Variants in DGKB observed in about 807,000 individuals in gnomAD.
DGKB encodes diacylglycerol kinase beta.
A neutral mutation model predicts 114.3 loss-of-function variants in DGKB; 67 were observed. That is an observed-to-expected ratio of 0.59 (90% CI 0.48 to 0.72). The LOEUF (loss-of-function observed/expected upper bound fraction) is 0.72, where lower values mean the gene tolerates loss of function less well. Among genes scored for constraint, DGKB ranks in the 30% least tolerant of loss-of-function variants. The pLI is 0.00. For missense variants in DGKB, 907 were observed against 975.2 expected, an observed-to-expected ratio of 0.93 and a Z score of 0.93; for synonymous variants, 398 against 323.1, an observed-to-expected ratio of 1.23 and a Z score of -2.49.
chr7:14,833,627 G>A (rs1228966886), intron 2 of DGKB, among the ~76,000 whole-genome samples: 1 of 151,970 alleles, frequency 6.6e-6, no homozygotes, highest in Admixed American at 6.6e-5. Context: ...CCCACTTTTT[G>A]TGACTATTGC....
chr7:14,503,639 T>C (rs1381031489), intron 20 of DGKB, among the ~76,000 whole-genome samples: 1 of 152,194 alleles, frequency 6.6e-6, no homozygotes, highest in African/African-American at 2.4e-5. Context: ...CCGAGATTTA[T>C]TCTATGGGTC....
intron 12 of DGKB, among the ~76,000 whole-genome samples, chr7:14,674,002 T>C (rs1291422662): frequency 1.3e-5 from 2 of 151,774 alleles, no homozygotes; most frequent in Non-Finnish European, 2.9e-5. Context: ...ACAACATACA[T>C]ACCTTTGTGA....
chr7:14,388,215 A>G (rs1181687470), intron 21 of DGKB, among the ~76,000 whole-genome samples: 1 of 151,514 alleles, frequency 6.6e-6, no homozygotes, highest in Admixed American at 6.6e-5. Context: ...TTTGGAAAAA[A>G]AAAAAAATCT....
intron 21 of DGKB, among the ~76,000 whole-genome samples, chr7:14,362,423 C>T (rs1482332099): frequency 6.6e-6 from 1 of 152,068 alleles, no homozygotes; most frequent in African/African-American, 2.4e-5. Context: ...TATTTTTGCT[C>T]ATTAATTCAT....
At chr7:14,451,966 C>A (rs754531910) in intron 21 of DGKB, among the ~76,000 whole-genome samples, 4 of 152,058 alleles carry the variant, frequency 2.6e-5, no homozygotes, top group African/African-American at 4.8e-5. Flanking sequence ...GTTGTTATTG[C>A]TAACATATTC....
intron 23 of DGKB, among the ~76,000 whole-genome samples, chr7:14,240,138 T>C (rs1793428912): frequency 6.6e-6 from 1 of 152,062 alleles, no homozygotes; most frequent in Non-Finnish European, 1.5e-5. Flanking sequence ...ATTACCAATA[T>C]ATATATGCCC....
chr7:14,519,033 T>C (rs1244013796), intron 20 of DGKB, among the ~76,000 whole-genome samples: 5 of 152,104 alleles, frequency 3.3e-5, no homozygotes, highest in Non-Finnish European at 7.4e-5. Context: ...CACGGAGTTT[T>C]TTCATTTAAA....
intron 13 of DGKB, among the ~76,000 whole-genome samples, chr7:14,631,724 T>G (rs1245874393): frequency 6.6e-6 from 1 of 152,076 alleles, no homozygotes; most frequent in Non-Finnish European, 1.5e-5. Flanking sequence ...AGTTTCTCTC[T>G]GGGTCAGTTC....
At chr7:14,268,069 C>T (rs1797761794) in intron 23 of DGKB, among the ~76,000 whole-genome samples, 1 of 152,114 alleles carries the variant, frequency 6.6e-6, no homozygotes, top group South Asian at 2.1e-4. Flanking sequence ...TATCCAGTTT[C>T]TATATTCGTT....
At chr7:14,502,875 T>C (rs1444354799) in intron 20 of DGKB, among the ~76,000 whole-genome samples, 1 of 152,098 alleles carries the variant, frequency 6.6e-6, no homozygotes, top group Non-Finnish European at 1.5e-5. Context: ...ATTCTGGCTT[T>C]CAACATTCCT....
chr7:14,226,923 A>G lies in DGKB; in HGVS notation c.2123-48772T>C, dbSNP rs140185717. Among the ~76,000 whole-genome samples, 951 of 152,114 alleles carry G rather than the reference A, an allele frequency of 6.3e-3. 12 individuals are homozygous for G. The highest frequency in any genetic ancestry group is 0.022 in the African/African-American group (917 of 41,514). On this transcript the variant is annotated intron_variant, in intron 23 of 25. Transcript: ENST00000402815. ...AAAAAAGAATCTCATTTATCTATTT[A>G]ATGGGGGTCTCACTGTGTTGCCCAG...
intron 1 of DGKB, among the ~76,000 whole-genome samples, chr7:14,860,521 G>C (rs192119563): frequency 6.6e-6 from 1 of 151,866 alleles, no homozygotes; most frequent in Admixed American, 6.6e-5. Flanking sequence ...TTTAAAAATG[G>C]TATTTTACTG....
At chr7:14,721,506 T>C (rs1313708993) in intron 5 of DGKB, among the ~76,000 whole-genome samples, 1 of 152,184 alleles carries the variant, frequency 6.6e-6, no homozygotes, top group Non-Finnish European at 1.5e-5. Context: ...CTGTATCATG[T>C]ATTTATCACA....
intron 21 of DGKB, among the ~76,000 whole-genome samples, chr7:14,384,543 A>G (rs909795905): frequency 1.3e-5 from 2 of 152,222 alleles, no homozygotes; most frequent in African/African-American, 2.4e-5. Flanking sequence ...AATACATGAC[A>G]CAATGAATTT....
intron 13 of DGKB, among the ~76,000 whole-genome samples, chr7:14,665,985 T>C (rs1031748208): frequency 6.6e-6 from 1 of 151,974 alleles, no homozygotes; most frequent in Non-Finnish European, 1.5e-5. Flanking sequence ...ACTTAAGCCA[T>C]TGCAGAGAAA....
chr7:14,904,002 T>C (rs1272561102), upstream of DGKB, among the ~76,000 whole-genome samples: 1 of 152,210 alleles, frequency 6.6e-6, no homozygotes, highest in Non-Finnish European at 1.5e-5. Flanking sequence ...CTGTCTTCTA[T>C]TAACTTTCAT....
At chr7:14,454,597 T>A (rs1295781510) in intron 21 of DGKB, among the ~76,000 whole-genome samples, 2 of 152,114 alleles carry the variant, frequency 1.3e-5, no homozygotes, top group African/African-American at 4.8e-5. Flanking sequence ...AGAAATCATA[T>A]ATGATTGCTA....
At chr7:14,306,513 G>A (rs547728245) in intron 23 of DGKB, among the ~76,000 whole-genome samples, 5 of 152,010 alleles carry the variant, frequency 3.3e-5, no homozygotes, top group Non-Finnish European at 4.4e-5. Flanking sequence ...GTTATTCCAC[G>A]TTCATATTTG....
At chr7:14,765,958 C>A (rs1422108086) in intron 2 of DGKB, among the ~76,000 whole-genome samples, 1 of 151,894 alleles carries the variant, frequency 6.6e-6, no homozygotes, top group African/African-American at 2.4e-5. Flanking sequence ...TCAAGCCTCC[C>A]ACATGACATC....
Sources: gnomAD v4.1 joint callset for allele counts (sites outside exome capture counted in the v4.1 genomes callset) on GRCh38, gnomAD v4.1.1 for gene constraint, MANE v1.5 for transcripts, NCBI Gene and HGNC (gene_info 2026-07-23, HGNC 2026-07-21) for gene names.